Variants in DPP10 observed in about 807,000 individuals in gnomAD.
The protein encoded by DPP10 is inactive dipeptidyl peptidase 10.
Under a neutral mutation model 120.9 loss-of-function variants are expected in DPP10, and 33 were observed. The observed-to-expected ratio is 0.27, with a 90% CI of 0.21 to 0.37. The LOEUF (loss-of-function observed/expected upper bound fraction) is 0.37. Ranked by LOEUF, DPP10 falls within the 10% of genes least tolerant of loss-of-function variation. The pLI, the probability that DPP10 is intolerant of heterozygous loss-of-function variation, is 1.00. For synonymous variants in DPP10, 337 were observed against 326.1 expected, an observed-to-expected ratio of 1.03 and a Z score of -0.36; for missense variants, 816 against 942.8, an observed-to-expected ratio of 0.87 and a Z score of 1.76.
At chr2:114,536,646 C>A (rs1686525551) in intron 1 of DPP10, among the ~76,000 whole-genome samples, 1 of 152,110 alleles carries the variant, frequency 6.6e-6, no homozygotes, top group Non-Finnish European at 1.5e-5. Context: ...ACCTTGTGAT[C>A]CACCTGTCTC....
intron 1 of DPP10, among the ~76,000 whole-genome samples, chr2:114,564,096 G>A (rs574688287): frequency 2.1e-4 from 32 of 152,216 alleles, no homozygotes; most frequent in Middle Eastern, 6.8e-3. Context: ...GTATCAAATG[G>A]ATCCAACGCT....
intron 1 of DPP10, among the ~76,000 whole-genome samples, chr2:114,446,538 A>T (rs2104522760): frequency 6.6e-6 from 1 of 152,240 alleles, no homozygotes; most frequent in South Asian, 2.1e-4. Context: ...TCCTTTTTAC[A>T]AGACCTGCCT....
intron 1 of DPP10, among the ~76,000 whole-genome samples, chr2:114,682,146 GCTGTCT>G (rs919999376): frequency 6.6e-5 from 10 of 152,028 alleles, no homozygotes; most frequent in African/African-American, 2.4e-4. Flanking sequence ...ACAGATTGGT[GCTGTCT>G]CTGTCTCTGT....
intron 3 of DPP10, among the ~76,000 whole-genome samples, chr2:115,453,881 C>T (rs1324319163): frequency 1.3e-5 from 2 of 151,120 alleles, no homozygotes; most frequent in African/African-American, 4.8e-5. Flanking sequence ...AGGGAAAACA[C>T]AAATTACCAA....
intron 1 of DPP10, among the ~76,000 whole-genome samples, chr2:114,790,893 G>T (rs920910818): frequency 5.9e-5 from 9 of 152,180 alleles, no homozygotes; most frequent in Non-Finnish European, 1.0e-4. Flanking sequence ...CAGGGGATGC[G>T]ATGGCTTGGC....
At chr2:115,801,030 T>G (rs1685168292) in intron 19 of DPP10, among the ~76,000 whole-genome samples, 1 of 152,202 alleles carries the variant, frequency 6.6e-6, no homozygotes, top group Non-Finnish European at 1.5e-5. Flanking sequence ...TTGGGCAGTA[T>G]GGCCATTTTC....
chr2:114,915,641 A>G (rs1047745111), intron 1 of DPP10, among the ~76,000 whole-genome samples: 1 of 152,206 alleles, frequency 6.6e-6, no homozygotes, highest in Admixed American at 6.5e-5. Flanking sequence ...ATACAAAGAC[A>G]CTATTGGATC....
chr2:115,475,146 C>T (rs1366602907), intron 3 of DPP10, among the ~76,000 whole-genome samples: 1 of 152,010 alleles, frequency 6.6e-6, no homozygotes, highest in Non-Finnish European at 1.5e-5. Context: ...TCAGAGACCT[C>T]CATGGCAGTA....
At position 115,078,789 on chromosome 2, in the gene DPP10, T is replaced by C. The variant is rs1285712288; in HGVS notation, c.61-230450T>C. Among the ~76,000 whole-genome samples, 6 of 138,946 alleles carry C rather than the reference T, an allele frequency of 4.3e-5. No individual in the cohort carries two copies. In the East Asian group the frequency reaches 1.3e-3, roughly 29 times the overall value. 91.2% of individuals were successfully genotyped at this position (138,946 alleles called of 152,430 possible). A position where few individuals can be genotyped will look rare whatever the true frequency, so the allele number is the denominator to read the frequency against. Reference sequence around the variant, plus strand: ...TTAAAAAGTTTCTTTGGTCTTCATATTAAAGACATATTTAAGTATCACAGA... The same window carrying C: ...TTAAAAAGTTTCTTTGGTCTTCATACTAAAGACATATTTAAGTATCACAGA... On this transcript the variant is annotated intron_variant, in intron 1 of 25. Coordinates refer to ENST00000410059, the MANE Select transcript of DPP10 (RefSeq NM_020868.6).
intron 1 of DPP10, among the ~76,000 whole-genome samples, chr2:114,467,300 C>A (rs1339601793): frequency 6.6e-6 from 1 of 152,142 alleles, no homozygotes. Flanking sequence ...CTGGGTAGAG[C>A]GTGTGGTGAA....
chr2:114,966,973 C>T (rs549020615), intron 1 of DPP10, among the ~76,000 whole-genome samples: 13 of 152,092 alleles, frequency 8.5e-5, no homozygotes, highest in African/African-American at 2.2e-4. Context: ...ACTCGGGAGG[C>T]GGAGGTTGCA....
intron 1 of DPP10, among the ~76,000 whole-genome samples, chr2:115,134,447 A>C (rs955787645): frequency 1.3e-5 from 2 of 152,196 alleles, no homozygotes; most frequent in Non-Finnish European, 2.9e-5. Context: ...AATCATATGA[A>C]ATATGTGTTA....
intron 3 of DPP10, among the ~76,000 whole-genome samples, chr2:115,406,118 C>T (rs1364729702): frequency 6.6e-6 from 1 of 152,238 alleles, no homozygotes; most frequent in African/African-American, 2.4e-5. Context: ...AGTTCACTAG[C>T]AGTTAGAAGT....
intron 1 of DPP10, among the ~76,000 whole-genome samples, chr2:114,806,671 C>G (rs986466279): frequency 6.6e-6 from 1 of 152,242 alleles, no homozygotes; most frequent in Middle Eastern, 3.4e-3. Flanking sequence ...TACCTATTTC[C>G]TAACCCCAAA....
chr2:115,821,755 T>A (rs1050877060), intron 21 of DPP10, among the ~76,000 whole-genome samples: 7 of 152,020 alleles, frequency 4.6e-5, no homozygotes, highest in African/African-American at 1.4e-4. Context: ...ATTGTATGAC[T>A]ATAAAATAAT....
chr2:115,143,885 T>C (rs1259002238), intron 1 of DPP10, among the ~76,000 whole-genome samples: 1 of 152,052 alleles, frequency 6.6e-6, no homozygotes, highest in Non-Finnish European at 1.5e-5. Context: ...CGAGATTCCT[T>C]CTGCCAGATC....
At chr2:115,144,858 C>G (rs1029318563) in intron 1 of DPP10, 2 of 151,866 alleles carry the variant, frequency 1.3e-5, no homozygotes, top group African/African-American at 2.4e-5. Context: ...AAAGAACTCA[C>G]CCAGTGCAGC....
chr2:115,181,405 T>C (rs1272326676), intron 1 of DPP10, among the ~76,000 whole-genome samples: 1 of 152,170 alleles, frequency 6.6e-6, no homozygotes, highest in African/African-American at 2.4e-5. Flanking sequence ...GGTTCAAGTG[T>C]GTTGTTTATC....
intron 5 of DPP10, among the ~76,000 whole-genome samples, chr2:115,671,205 G>A (rs541852797): frequency 2.0e-3 from 306 of 151,872 alleles, no homozygotes; most frequent in African/African-American, 7.1e-3. Context: ...ATTCATATAG[G>A]TTTTTAACTG....
Sources: allele counts gnomAD v4.1 joint callset (sites outside exome capture counted in the v4.1 genomes callset), GRCh38; gene constraint gnomAD v4.1.1; transcripts MANE v1.5; gene names NCBI Gene and HGNC (gene_info 2026-07-23, HGNC 2026-07-21).